TNRC6B: variants seen among roughly 807,000 people sequenced by gnomAD.
TNRC6B encodes trinucleotide repeat containing adaptor 6B, also known as trinucleotide repeat-containing gene 6B protein.
Under a neutral mutation model 203.6 loss-of-function variants are expected in TNRC6B, and 52 were observed. That is an observed-to-expected ratio of 0.26 (90% CI 0.20 to 0.32). The LOEUF (loss-of-function observed/expected upper bound fraction) is 0.32. TNRC6B is among the 10% of genes least tolerant of loss of function. TNRC6B has a pLI of 1.00. For missense variants in TNRC6B, 1,923 were observed against 2,286.2 expected, an observed-to-expected ratio of 0.84 and a Z score of 3.24; for synonymous variants, 838 against 845.7, an observed-to-expected ratio of 0.99 and a Z score of 0.16.
At chr22:40,296,133 G>A (rs1041677510) in intron 12 of TNRC6B, among the ~76,000 whole-genome samples, 3 of 151,982 alleles carry the variant, frequency 2.0e-5, no homozygotes, top group East Asian at 1.9e-4. Context: ...TCCTAATACC[G>A]AATTCCAGCC....
intron 12 of TNRC6B, among the ~76,000 whole-genome samples, chr22:40,286,064 T>G (rs2070775959): frequency 6.6e-6 from 1 of 152,208 alleles, no homozygotes; most frequent in South Asian, 2.1e-4. Flanking sequence ...TCCTTTTAGA[T>G]CTCCTATTTT....
intron 1 of TNRC6B, among the ~76,000 whole-genome samples, chr22:40,224,525 A>G (rs2069757466): frequency 6.6e-6 from 1 of 152,184 alleles, no homozygotes; most frequent in Admixed American, 6.5e-5. Context: ...CCCCAGCAAC[A>G]ATGACCTTGG....
intron 1 of TNRC6B, among the ~76,000 whole-genome samples, chr22:40,213,330 A>G (rs2069589724): frequency 6.6e-6 from 1 of 152,188 alleles, no homozygotes; most frequent in Non-Finnish European, 1.5e-5. Context: ...AGGCTTTCCC[A>G]GAGGAGGCGG....
intron 3 of TNRC6B, among the ~76,000 whole-genome samples, chr22:40,129,018 G>A (rs1040794224): frequency 4.6e-5 from 7 of 152,200 alleles, no homozygotes; most frequent in African/African-American, 1.4e-4. Context: ...GAGGAAGAGC[G>A]TAGCTAGTCA....
In TNRC6B at chr22:40,312,544, T is replaced by C; in HGVS notation, c.4475T>C (p.Ile1492Thr). Residue 1492 changes from isoleucine to threonine, a missense_variant, in exon 18 of 23, where the codon ATT becomes ACT. By Grantham distance (89) the Ile-to-Thr change is moderately conservative. Transcript: ENST00000454349. ...PGVPWKGIQNIDPESDPYVTP... is the reference protein window; with the variant it reads ...PGVPWKGIQNTDPESDPYVTP... ...GTGCCATGGAAAGGTATCCAAAACA[T>C]TGACCCTGAATCTGACCCCTATGTC... 1 of 1,614,014 alleles carries C rather than the reference T, an allele frequency of 6.2e-7. No individual in the cohort carries two copies. The highest frequency in any genetic ancestry group is 8.5e-7 in the Non-Finnish European group (1 of 1,179,962).
At chr22:40,086,794 G>A (rs1270631380) in intron 1 of TNRC6B, among the ~76,000 whole-genome samples, 1 of 152,194 alleles carries the variant, frequency 6.6e-6, no homozygotes, top group Non-Finnish European at 1.5e-5. Context: ...ATAAAATGAA[G>A]CCTTAACTCC....
In TNRC6B at chr22:40,046,770, G is replaced by A. The variant is rs572093151; in HGVS notation, c.-121+1772G>A. ...CACCATTCTCCTGCCTCAGCCTCCC[G>A]AGTAGCTGGGACTACAGGCGCCCGC... is the stretch of plus-strand genomic sequence containing the variant. On this transcript the variant is annotated intron_variant, in intron 1 of 23. Transcript: ENST00000301923. Among the ~76,000 whole-genome samples, 1,045 of 151,072 alleles carry A rather than the reference G, an allele frequency of 6.9e-3. 9 individuals are homozygous for A. Among genetic ancestry groups the A allele is most frequent in the Non-Finnish European group, 0.011 (764 of 67,826 alleles).
intron 15 of TNRC6B, among the ~76,000 whole-genome samples, chr22:40,303,590 A>G (rs910309394): frequency 1.3e-5 from 2 of 152,134 alleles, no homozygotes; most frequent in African/African-American, 4.8e-5. Context: ...GCCTTATAAG[A>G]TAGATGTGTT....
intron 2 of TNRC6B, among the ~76,000 whole-genome samples, chr22:40,117,455 C>T (rs2068399292): frequency 6.6e-6 from 1 of 151,944 alleles, no homozygotes; most frequent in African/African-American, 2.4e-5. Context: ...CACATTACTG[C>T]CAGGGTTCAC....
chr22:40,051,359 T>A (rs1176278359), intron 1 of TNRC6B, among the ~76,000 whole-genome samples: 1 of 152,252 alleles, frequency 6.6e-6, no homozygotes, highest in African/African-American at 2.4e-5. Context: ...TTGTCCAGGC[T>A]GGGGTCAGCA....
chr22:40,131,838 A>G (rs1456606810), intron 3 of TNRC6B, among the ~76,000 whole-genome samples: 2 of 152,240 alleles, frequency 1.3e-5, no homozygotes, highest in African/African-American at 4.8e-5. Context: ...CTGAAGGAAG[A>G]CAAGTTGACA....
At chr22:40,111,632 A>AGT (rs1364045918) in intron 1 of TNRC6B, among the ~76,000 whole-genome samples, 1 of 152,200 alleles carries the variant, frequency 6.6e-6, no homozygotes, top group Non-Finnish European at 1.5e-5. Flanking sequence ...AGTATTCCCA[A>AGT]GTGAGGCAGA....
chr22:40,188,634 C>A (rs1012744469), intron 1 of TNRC6B, among the ~76,000 whole-genome samples: 1 of 152,116 alleles, frequency 6.6e-6, no homozygotes, highest in Admixed American at 6.6e-5. Context: ...TTTCCTTTAC[C>A]CCTCTGCTTA....
At chr22:40,228,285 C>A (rs930223928) in intron 1 of TNRC6B, among the ~76,000 whole-genome samples, 1 of 151,824 alleles carries the variant, frequency 6.6e-6, no homozygotes, top group African/African-American at 2.4e-5. Context: ...AAAAAATTAG[C>A]CAGGTGTGGT....
At chr22:40,197,016 G>C (rs1181913172) in intron 1 of TNRC6B, among the ~76,000 whole-genome samples, 3 of 152,114 alleles carry the variant, frequency 2.0e-5, no homozygotes, top group Non-Finnish European at 4.4e-5. Context: ...TGGAGGAACT[G>C]GGTGCTGTAA....
intron 7 of TNRC6B, 116 bp from the exon 8 acceptor site, chr22:40,276,961 A>T (rs1398945295): frequency 1.6e-6 from 1 of 607,476 alleles, no homozygotes; most frequent in Non-Finnish European, 2.6e-6. Context: ...TTTTAGTTAA[A>T]GAGAAATAGG....
intron 1 of TNRC6B, among the ~76,000 whole-genome samples, chr22:40,100,787 T>C (rs529670087): frequency 6.6e-6 from 1 of 152,268 alleles, no homozygotes; most frequent in Non-Finnish European, 1.5e-5. Context: ...GAGTGTATTA[T>C]ATTGGATGGA....
chr22:40,079,216 A>G (rs1249544171), intron 1 of TNRC6B, among the ~76,000 whole-genome samples: 1 of 151,960 alleles, frequency 6.6e-6, no homozygotes. Flanking sequence ...CCCGGGCAAT[A>G]TCTACTTTGC....
chr22:40,188,902 C>T (rs1247466014), intron 1 of TNRC6B, among the ~76,000 whole-genome samples: 2 of 152,166 alleles, frequency 1.3e-5, no homozygotes, highest in Non-Finnish European at 2.9e-5. Context: ...AAATCCCTAA[C>T]AAGCTAATTC....
Sources: gnomAD v4.1 joint callset for allele counts (sites outside exome capture counted in the v4.1 genomes callset) on GRCh38, gnomAD v4.1.1 for gene constraint, MANE v1.5 for transcripts, NCBI Gene and HGNC (gene_info 2026-07-23, HGNC 2026-07-21) for gene names.